The following SCN1A variants were observed in gnomAD, a reference collection of about 807,000 sequenced individuals.
SCN1A encodes the protein sodium channel protein type 1 subunit alpha.
Under a neutral mutation model 193.7 loss-of-function variants are expected in SCN1A, and 13 were observed. The ratio of observed to expected loss-of-function variants is 0.07; its 90% CI spans 0.04 to 0.11. The LOEUF is 0.11. Ranked by LOEUF, SCN1A falls within the 10% of genes least tolerant of loss-of-function variation. The pLI, the probability that SCN1A is intolerant of heterozygous loss-of-function variation, is 1.00. For missense variants in SCN1A, 1,432 were observed against 2,451.1 expected, an observed-to-expected ratio of 0.58 and a Z score of 8.78; for synonymous variants, 781 against 843.6, an observed-to-expected ratio of 0.93 and a Z score of 1.29.
chr2:166,109,194 T>C (rs1689023635), intron 2 of SCN1A, among the ~76,000 whole-genome samples: 1 of 152,160 alleles, frequency 6.6e-6, no homozygotes, highest in East Asian at 1.9e-4. Flanking sequence ...ATGTTGGGCG[T>C]TATAATAAAG....
chr2:166,032,302 TATG>T (rs1411760750), intron 19 of SCN1A, among the ~76,000 whole-genome samples: 1 of 89,260 alleles, frequency 1.1e-5, no homozygotes, highest in Non-Finnish European at 2.4e-5. Flanking sequence ...CTCCCTGGCA[TATG>T]ATAACTGATA....
At position 166,018,846 on chromosome 2, in the gene SCN1A, G is replaced by A. The variant is rs73969771; in HGVS notation, c.3430-3119C>T. On this transcript the variant is annotated intron_variant, in intron 19 of 28. Coordinates refer to ENST00000674923, the MANE Select transcript of SCN1A (RefSeq NM_001165963.4). The stretch of plus-strand genomic sequence containing the variant: ...ACTAATTTTAAGTACATGAGCAAGC[G>A]CTTGTAAGTACCCATATTACATTGG... Among the ~76,000 whole-genome samples the A allele has an allele frequency of 4.6e-5, 7 of 152,170 alleles. 1 individual carries two copies. Among genetic ancestry groups the A allele is most frequent in the African/African-American group, 9.6e-5 (4 of 41,536 alleles).
intron 26 of SCN1A, among the ~76,000 whole-genome samples, chr2:165,997,055 T>C (rs761723887): frequency 6.6e-6 from 1 of 151,350 alleles, no homozygotes; most frequent in Non-Finnish European, 1.5e-5. Context: ...GTTCATACAC[T>C]GATATTGGGA....
chr2:166,129,682 A>T (rs1395642075), upstream of SCN1A, among the ~76,000 whole-genome samples: 11 of 152,172 alleles, frequency 7.2e-5, no homozygotes, highest in East Asian at 1.5e-3. Flanking sequence ...CTAACAGGCA[A>T]TTTTTTTAGA....
intron 19 of SCN1A, among the ~76,000 whole-genome samples, chr2:166,030,060 A>T (rs991500582): frequency 1.3e-5 from 2 of 152,164 alleles, no homozygotes; most frequent in Non-Finnish European, 1.5e-5. Flanking sequence ...TTAACACCAA[A>T]TCTATAGTTG....
chr2:166,110,593 G>C (rs1363228988), intron 2 of SCN1A, among the ~76,000 whole-genome samples: 1 of 152,168 alleles, frequency 6.6e-6, no homozygotes, highest in Non-Finnish European at 1.5e-5. Context: ...TTTGAAGTTA[G>C]CAGAGTTTGG....
At position 165,994,193 on chromosome 2, in the gene SCN1A, A is replaced by G. The variant is rs1351673594; in HGVS notation, c.4805T>C (p.Ile1602Thr). The change falls in exon 28 of 29, where the codon ATT (isoleucine) becomes ACT (threonine). Residue 1602 changes from isoleucine to threonine, a missense_variant. Ile to Thr is a moderately conservative substitution (Grantham distance 89). Coordinates refer to ENST00000674923, the MANE Select transcript of SCN1A (RefSeq NM_001165963.4). ...LISLRHYYFT[I>T]GWNIFDFVVV... ...CACAAAATCAAAAATATTCCATCCA[A>G]TGGTAAAATAATAATGGCGTAGAGA... is the stretch of plus-strand genomic sequence containing the variant. 5 of 1,612,530 alleles carry G rather than the reference A, an allele frequency of 3.1e-6. No homozygotes were observed. Among genetic ancestry groups the G allele is most frequent in the Non-Finnish European group, 4.2e-6 (5 of 1,179,124 alleles).
intron 2 of SCN1A, among the ~76,000 whole-genome samples, chr2:166,119,127 T>C (rs752910185): frequency 6.6e-6 from 1 of 152,178 alleles, no homozygotes; most frequent in Non-Finnish European, 1.5e-5. Context: ...ACTGCTCACC[T>C]CCTACTGTGC....
intron 17 of SCN1A, among the ~76,000 whole-genome samples, chr2:166,038,760 A>G (rs1268448478): frequency 6.6e-6 from 1 of 152,216 alleles, no homozygotes; most frequent in Non-Finnish European, 1.5e-5. Context: ...CTGCTGAAAG[A>G]TATTAATTTG....
chr2:166,009,956 A>T (rs1474785267), intron 22 of SCN1A, 115 bp from the exon 23 acceptor site: 6 of 953,472 alleles, frequency 6.3e-6, no homozygotes, highest in African/African-American at 5.0e-5. Flanking sequence ...ATAAATGTTC[A>T]GACATTTTCA....
chr2:166,025,760 A>G (rs1359025481), intron 19 of SCN1A, among the ~76,000 whole-genome samples: 2 of 152,062 alleles, frequency 1.3e-5, no homozygotes, highest in South Asian at 2.1e-4. Context: ...CTCTTTATGT[A>G]TATCTTCTTC....
Position 166,037,828 on chromosome 2 carries a change from T to G in SCN1A, c.2894A>C (p.Gln965Pro). 1 of 1,614,126 alleles carries G rather than the reference T, an allele frequency of 6.2e-7. No individual in the cohort carries two copies. The highest frequency in any genetic ancestry group is 8.5e-7 in the Non-Finnish European group (1 of 1,180,020). Residue 965 changes from glutamine to proline, a missense_variant, in exon 18 of 29, where the codon CAA becomes CCA. This residue lies in a region of SCN1A where 93 missense variants were observed against 260.4 expected (regional missense o/e 0.36). Coordinates refer to ENST00000674923, the MANE Select transcript of SCN1A (RefSeq NM_001165963.4). Reference protein sequence around the residue: ...TMWDCMEVAGQAMCLTVFMMV... With the variant: ...TMWDCMEVAGPAMCLTVFMMV... ...CATGAAGACAGTAAGGCACATGGCT[T>G]GACCAGCAACCTCCATACAGTCCCA...
intron 1 of SCN1A, chr2:166,137,419 A>C (rs13428656): frequency 0.49 from 74,057 of 152,036 alleles, 18,920 homozygotes; most frequent in African/African-American, 0.62. Flanking sequence ...TCCCATATGT[A>C]GTAGGAGGAA....
intron 9 of SCN1A, among the ~76,000 whole-genome samples, chr2:166,050,076 C>T (rs1698354125): frequency 6.6e-6 from 1 of 151,778 alleles, no homozygotes; most frequent in African/African-American, 2.4e-5. Flanking sequence ...CTTCCTTGAA[C>T]CTAGACAGGA....
At position 166,052,876 on chromosome 2, in the gene SCN1A, A is replaced by G. The variant is rs764891727; in HGVS notation, c.670T>C (p.Leu224=). 32 of 1,612,336 alleles carry G rather than the reference A, an allele frequency of 2.0e-5. No individual in the cohort carries two copies. The highest frequency in any genetic ancestry group is 3.3e-4 in the Middle Eastern group (2 of 6,072). The change falls in exon 8 of 29, where the codon TTG becomes CTG. Residue 224 remains leucine (L), a synonymous_variant. Transcript: ENST00000674923. ...ALRTFRVLRA[L]KTISVIPGLK... ...CCTGGAATGACTGAAATCGTCTTCA[A>G]TGCTCGGAGAACTCTGAATGTTCTC...
At chr2:166,111,754 A>T (rs532568133) in intron 2 of SCN1A, among the ~76,000 whole-genome samples, 1 of 152,248 alleles carries the variant, frequency 6.6e-6, no homozygotes, top group South Asian at 2.1e-4. Context: ...GGAGGTAAAA[A>T]TATCCATATG....
chr2:166,134,790 A>T (rs946307857), intron 1 of SCN1A, among the ~76,000 whole-genome samples: 1 of 152,198 alleles, frequency 6.6e-6, no homozygotes, highest in Non-Finnish European at 1.5e-5. Flanking sequence ...ATATGGGGAG[A>T]CAAAATTCAA....
chr2:166,016,142 A>T (rs995087573), intron 19 of SCN1A: 1 of 227,780 alleles, frequency 4.4e-6, no homozygotes, highest in Non-Finnish European at 8.8e-6. Context: ...TTGACTTTAC[A>T]TATTTCTTTA....
chr2:166,048,121 A>T (rs1698069331), intron 10 of SCN1A, among the ~76,000 whole-genome samples: 3 of 152,176 alleles, frequency 2.0e-5, no homozygotes, highest in South Asian at 2.1e-4. Context: ...CTCCTAAAAA[A>T]GTAGGAACAG....
Sources: allele counts gnomAD v4.1 joint callset (sites outside exome capture counted in the v4.1 genomes callset), GRCh38; gene constraint gnomAD v4.1.1; regional missense constraint gnomAD v4.1.1; transcripts MANE v1.5; gene names NCBI Gene and HGNC (gene_info 2026-07-23, HGNC 2026-07-21).